The following ADAM32 variants were observed in gnomAD, a reference collection of about 807,000 sequenced individuals.
The protein encoded by ADAM32 is disintegrin and metalloproteinase domain-containing protein 32.
Under a neutral mutation model 114.9 loss-of-function variants are expected in ADAM32, and 89 were observed. That is an observed-to-expected ratio of 0.77 (90% CI 0.65 to 0.92). ADAM32 has a LOEUF of 0.92. Ranked by LOEUF, ADAM32 falls within the 40% of genes least tolerant of loss-of-function variation. The pLI is 0.00. For missense variants in ADAM32, 870 were observed against 932.8 expected (o/e 0.93, Z 0.88); for synonymous variants, 285 against 307.5 (o/e 0.93, Z 0.77).
chr8:39,111,199 A>G (rs1363214714), intron 1 of ADAM32, among the ~76,000 whole-genome samples: 2 of 152,032 alleles, frequency 1.3e-5, no homozygotes, highest in African/African-American at 4.8e-5. Flanking sequence ...GCTGCTAGGA[A>G]CCTTCATGTA....
At chr8:39,203,478 T>G (rs867078658) in intron 11 of ADAM32, among the ~76,000 whole-genome samples, 18 of 152,226 alleles carry the variant, frequency 1.2e-4, no homozygotes, top group African/African-American at 4.1e-4. Flanking sequence ...GTTTTCCATT[T>G]GCTTGGTAGA....
At chr8:39,162,289 C>G (rs1024141389) in intron 7 of ADAM32, among the ~76,000 whole-genome samples, 9 of 151,514 alleles carry the variant, frequency 5.9e-5, no homozygotes, top group African/African-American at 2.2e-4. Context: ...CGATAGTTTG[C>G]TGAGAATGAT....
At chr8:39,265,917 A>G (rs796320962) in intron 19 of ADAM32, among the ~76,000 whole-genome samples, 1 of 152,202 alleles carries the variant, frequency 6.6e-6, no homozygotes, top group African/African-American at 2.4e-5. Context: ...TCCTCTGCTT[A>G]TGAAGCTTAG....
At chr8:39,129,329 G>A (rs917742421) in intron 2 of ADAM32, among the ~76,000 whole-genome samples, 9 of 151,932 alleles carry the variant, frequency 5.9e-5, no homozygotes, top group African/African-American at 2.2e-4. Context: ...TGAATTTCTT[G>A]TTAACTAGTG....
intron 2 of ADAM32, among the ~76,000 whole-genome samples, chr8:39,124,232 G>A (rs1014479800): frequency 2.0e-5 from 3 of 151,882 alleles, no homozygotes; most frequent in African/African-American, 7.3e-5. Flanking sequence ...GCGTCCATAT[G>A]TTCTCATCAT....
intron 16 of ADAM32, among the ~76,000 whole-genome samples, chr8:39,234,451 G>T (rs986111041): frequency 5.9e-5 from 9 of 152,128 alleles, no homozygotes; most frequent in Admixed American, 6.6e-5. Context: ...GTGGCCCCAT[G>T]AATAACAGCA....
intron 21 of ADAM32, among the ~76,000 whole-genome samples, chr8:39,275,108 G>C (rs1812992206): frequency 6.6e-6 from 1 of 152,158 alleles, no homozygotes. Flanking sequence ...ATGCATCTCT[G>C]TGTCTAGTGG....
At chr8:39,253,271 G>A (rs780279289) in intron 17 of ADAM32, among the ~76,000 whole-genome samples, 7 of 151,558 alleles carry the variant, frequency 4.6e-5, no homozygotes, top group Non-Finnish European at 7.4e-5. Context: ...AACTCAATAC[G>A]TTAGGAATAG....
At chr8:39,119,992 T>A (rs1454915462) in intron 2 of ADAM32, among the ~76,000 whole-genome samples, 1 of 152,196 alleles carries the variant, frequency 6.6e-6, no homozygotes, top group Non-Finnish European at 1.5e-5. Context: ...GGTTCATGCA[T>A]ACAAACTGAA....
intron 16 of ADAM32, among the ~76,000 whole-genome samples, chr8:39,238,296 C>A (rs79117009): frequency 6.6e-6 from 1 of 152,310 alleles, no homozygotes; most frequent in African/African-American, 2.4e-5. Flanking sequence ...AGTCCAGTAG[C>A]TCCACTGCGT....
intron 12 of ADAM32, among the ~76,000 whole-genome samples, chr8:39,215,647 T>A (rs949840317): frequency 2.0e-5 from 3 of 152,076 alleles, no homozygotes; most frequent in African/African-American, 4.8e-5. Flanking sequence ...ATTGACCCAC[T>A]GTGAATTCAG....
At chr8:39,149,363 G>A (rs567814134) in intron 4 of ADAM32, among the ~76,000 whole-genome samples, 14 of 152,152 alleles carry the variant, frequency 9.2e-5, no homozygotes, top group African/African-American at 3.4e-4. Context: ...TGCAAATTCA[G>A]CATCATCCTT....
intron 11 of ADAM32, among the ~76,000 whole-genome samples, chr8:39,204,025 T>C (rs961698159): frequency 1.3e-5 from 2 of 152,224 alleles, no homozygotes; most frequent in Non-Finnish European, 2.9e-5. Context: ...GGGCTTCCCT[T>C]TGTGGGTAAC....
intron 11 of ADAM32, among the ~76,000 whole-genome samples, chr8:39,187,563 GC>G (rs35338919): frequency 2.6e-5 from 4 of 152,176 alleles, no homozygotes; most frequent in African/African-American, 7.2e-5. Context: ...GAGCCACCGC[GC>G]CCGGCCAGGA....
chr8:39,153,329 G>C (rs756632178), intron 6 of ADAM32, among the ~76,000 whole-genome samples: 2 of 152,158 alleles, frequency 1.3e-5, no homozygotes, highest in Non-Finnish European at 1.5e-5. Flanking sequence ...CCAGTGTAGC[G>C]AACAATGTCA....
At chr8:39,282,489 A>G (rs767147633) in intron 23 of ADAM32, among the ~76,000 whole-genome samples, 2 of 152,170 alleles carry the variant, frequency 1.3e-5, no homozygotes, top group Non-Finnish European at 2.9e-5. Flanking sequence ...CTATAGGGTA[A>G]TATACACTGG....
At chr8:39,189,522 G>A (rs1044619486) in intron 11 of ADAM32, among the ~76,000 whole-genome samples, 12 of 151,920 alleles carry the variant, frequency 7.9e-5, no homozygotes, top group Admixed American at 3.3e-4. Flanking sequence ...TTTGGTACAC[G>A]TGATATTTTC....
At chr8:39,209,662 A>G (rs1185304816) in intron 11 of ADAM32, among the ~76,000 whole-genome samples, 1 of 152,206 alleles carries the variant, frequency 6.6e-6, no homozygotes, top group African/African-American at 2.4e-5. Flanking sequence ...AGTTAAGACC[A>G]TGGTCACTGC....
chr8:39,149,210 A>G (rs561588924), intron 4 of ADAM32, among the ~76,000 whole-genome samples: 2 of 152,128 alleles, frequency 1.3e-5, no homozygotes, highest in African/African-American at 4.8e-5. Context: ...GTGACTTTAT[A>G]TATTTTGAAG....
Sources: allele counts gnomAD v4.1 joint callset (sites outside exome capture counted in the v4.1 genomes callset), GRCh38; gene constraint gnomAD v4.1.1; transcripts MANE v1.5; gene names NCBI Gene and HGNC (gene_info 2026-07-23, HGNC 2026-07-21).